The following IQSEC1 variants were observed in gnomAD, a reference collection of about 807,000 sequenced individuals.
IQSEC1 encodes the protein IQ motif and SEC7 domain-containing protein 1.
A neutral mutation model predicts 91.0 loss-of-function variants in IQSEC1; 31 were observed. The ratio of observed to expected loss-of-function variants is 0.34; its 90% confidence interval spans 0.26 to 0.46. IQSEC1 has a LOEUF of 0.46. Among genes scored for constraint, IQSEC1 ranks in the 20% least tolerant of loss-of-function variants. IQSEC1 has a pLI of 1.00. For missense variants in IQSEC1, 1,388 were observed against 1,575.6 expected, an observed-to-expected ratio of 0.88 and a Z score of 2.02; for synonymous variants, 699 against 662.6, an observed-to-expected ratio of 1.05 and a Z score of -0.84.
At position 13,083,917 on chromosome 3, in the gene IQSEC1, C is replaced by A. The variant is rs190934720; in HGVS notation, c.303-36395G>T. ...GTCCCCACTTCATGCCAGAGTCCTGCCCTGGAGGAGTACGCGGTTTTCCAG... is the reference window on the plus strand; with the variant it reads ...GTCCCCACTTCATGCCAGAGTCCTGACCTGGAGGAGTACGCGGTTTTCCAG... On this transcript the variant is annotated intron_variant, in intron 2 of 15. Coordinates refer to the IQSEC1 transcript ENST00000648114. Among the ~76,000 whole-genome samples, 116 of 152,360 alleles carry A rather than the reference C, an allele frequency of 7.6e-4. 1 individual carries two copies. Among genetic ancestry groups the A allele is most frequent in the Non-Finnish European group, 4.4e-5 (3 of 68,030 alleles).
intron 1 of IQSEC1, among the ~76,000 whole-genome samples, chr3:12,987,562 G>A (rs1036409241): frequency 8.5e-5 from 13 of 152,168 alleles, no homozygotes; most frequent in African/African-American, 2.9e-4. Context: ...CTCAAAACAC[G>A]AAAAATGTTA....
chr3:12,917,542 A>T (rs1171112362), intron 6 of IQSEC1, among the ~76,000 whole-genome samples: 1 of 152,134 alleles, frequency 6.6e-6, no homozygotes, highest in African/African-American at 2.4e-5. Flanking sequence ...CTACACACTT[A>T]AGTTTCCTCC....
chr3:13,168,243 C>T (rs143299502), intron 1 of IQSEC1, among the ~76,000 whole-genome samples: 48 of 152,272 alleles, frequency 3.2e-4, no homozygotes, highest in African/African-American at 1.1e-3. Flanking sequence ...CAAATCACCA[C>T]GATTATTTTT....
intron 1 of IQSEC1, among the ~76,000 whole-genome samples, chr3:13,004,012 G>GT (rs764322133): frequency 2.6e-5 from 4 of 152,154 alleles, no homozygotes; most frequent in African/African-American, 4.8e-5. Flanking sequence ...ATTTTGTTTT[G>GT]TATTATTGTT....
chr3:13,190,067 T>G (rs1475142065), intron 1 of IQSEC1, among the ~76,000 whole-genome samples: 1 of 151,612 alleles, frequency 6.6e-6, no homozygotes, highest in East Asian at 1.9e-4. Flanking sequence ...CTAAATAGAG[T>G]TCCAGCAGTT....
Position 13,229,672 on chromosome 3 carries a change from C to T in IQSEC1, c.272+53039G>A, listed in dbSNP as rs114647078. Among the ~76,000 whole-genome samples the T allele has an allele frequency of 3.1e-3, 470 of 152,276 alleles. 3 individuals carry two copies. Among genetic ancestry groups the T allele is most frequent in the African/African-American group, 0.011 (454 of 41,540 alleles). On this transcript the variant is annotated intron_variant, in intron 1 of 15. Transcript: ENST00000648114. The stretch of plus-strand genomic sequence containing the variant: ...CCCATCTATTCATTCTTCGTTCTTC[C>T]CCCTAAACTCGCCAAACTTGTTCCT...
intron 1 of IQSEC1, among the ~76,000 whole-genome samples, chr3:13,223,566 C>T (rs983566567): frequency 7.9e-5 from 12 of 152,196 alleles, no homozygotes; most frequent in Non-Finnish European, 1.5e-4. Flanking sequence ...GTCCCACCCT[C>T]CCAGCAGAAG....
chr3:13,067,582 A>G (rs1025466053), intron 1 of IQSEC1, among the ~76,000 whole-genome samples: 3 of 152,234 alleles, frequency 2.0e-5, no homozygotes, highest in African/African-American at 7.2e-5. Flanking sequence ...GAACCTGCTC[A>G]GGGTAAGGCG....
At chr3:12,944,574 G>A (rs999542616) in intron 1 of IQSEC1, among the ~76,000 whole-genome samples, 36 of 152,302 alleles carry the variant, frequency 2.4e-4, no homozygotes, top group African/African-American at 8.2e-4. Context: ...CCTCGTCTTT[G>A]CAGCCCGAGG....
chr3:13,085,801 G>C (rs999989186), intron 2 of IQSEC1, among the ~76,000 whole-genome samples: 1 of 152,258 alleles, frequency 6.6e-6, no homozygotes, highest in Non-Finnish European at 1.5e-5. Context: ...TGAGGGGCAT[G>C]TGGTTATCGG....
At chr3:13,169,744 T>C (rs557127652) in intron 1 of IQSEC1, among the ~76,000 whole-genome samples, 99 of 152,282 alleles carry the variant, frequency 6.5e-4, no homozygotes, top group African/African-American at 2.3e-3. Flanking sequence ...GCTCTAGAGA[T>C]TTGTGGAACT....
chr3:12,990,595 C>T (rs113931285), intron 1 of IQSEC1, among the ~76,000 whole-genome samples: 1,525 of 152,266 alleles, frequency 0.01, 16 homozygotes, highest in South Asian at 0.065. Flanking sequence ...ACACACGGCA[C>T]GCAGGGATTT....
chr3:13,172,652 T>G (rs11928876), intron 1 of IQSEC1, among the ~76,000 whole-genome samples: 5 of 152,122 alleles, frequency 3.3e-5, no homozygotes, highest in Non-Finnish European at 4.4e-5. Flanking sequence ...ACTGCATTCC[T>G]TCCTCAAAGG....
intron 1 of IQSEC1, among the ~76,000 whole-genome samples, chr3:13,059,527 G>T (rs1704993271): frequency 6.6e-6 from 1 of 152,222 alleles, no homozygotes; most frequent in Non-Finnish European, 1.5e-5. Flanking sequence ...GGAGGCTGAG[G>T]CAGGAGGAAC....
chr3:13,153,916 G>A (rs1360243266), intron 2 of IQSEC1, among the ~76,000 whole-genome samples: 1 of 152,114 alleles, frequency 6.6e-6, no homozygotes, highest in African/African-American at 2.4e-5. Flanking sequence ...AGGTATGAGT[G>A]TGCCTGTGGC....
intron 2 of IQSEC1, among the ~76,000 whole-genome samples, chr3:13,154,137 C>A (rs981161336): frequency 6.6e-6 from 1 of 151,800 alleles, no homozygotes; most frequent in African/African-American, 2.4e-5. Context: ...ACACTCCCAC[C>A]CTGTCCCCAG....
intron 1 of IQSEC1, among the ~76,000 whole-genome samples, chr3:13,221,166 G>A (rs918491096): frequency 6.6e-6 from 1 of 152,090 alleles, no homozygotes; most frequent in Admixed American, 6.5e-5. Flanking sequence ...GAGGGAAGTG[G>A]TTTCTGCCCC....
At chr3:12,952,972 G>C (rs1699658052) in intron 1 of IQSEC1, among the ~76,000 whole-genome samples, 2 of 152,206 alleles carry the variant, frequency 1.3e-5, no homozygotes, top group African/African-American at 4.8e-5. Context: ...TCGGGCTCGT[G>C]GGTGGGCACA....
In IQSEC1 at chr3:12,922,211, T is replaced by G; in HGVS notation, c.1762A>C (p.Met588Leu). Residue 588 changes from methionine (M) to leucine (L), a missense_variant, in exon 5 of 14, where the codon ATG becomes CTG. Around this residue, in one of 2 missense-constraint regions of IQSEC1, gnomAD observed 1,059 missense variants for 1,317.8 expected, o/e 0.80. Coordinates refer to ENST00000613206, the MANE Select transcript of IQSEC1 (RefSeq NM_001134382.3). The surrounding 1 kb of genome is among the most constrained non-coding windows in gnomAD (Gnocchi z 5.1). ...TTCCTGAGGGCCTCATCCAGCTCCA[T>G]GGTAGAGAAGTCCATCTCGTCCACG... The part of the protein sequence containing the change: ...CVVDEMDFST[M>L]ELDEALRKFQ... The G allele has an allele frequency of 6.2e-7, 1 of 1,605,924 alleles. No individual in the cohort carries two copies. Among genetic ancestry groups the G allele is most frequent in the Non-Finnish European group, 8.5e-7 (1 of 1,174,848 alleles).
Sources: allele counts gnomAD v4.1 joint callset (sites outside exome capture counted in the v4.1 genomes callset), GRCh38; gene constraint gnomAD v4.1.1; regional missense constraint gnomAD v4.1.1; non-coding constraint Gnocchi (gnomAD v3.1); transcripts MANE v1.5; gene names NCBI Gene and HGNC (gene_info 2026-07-23, HGNC 2026-07-21).